PXDNL: variants seen among roughly 807,000 people sequenced by gnomAD.
PXDNL encodes the protein probable oxidoreductase PXDNL.
In PXDNL, 145 loss-of-function variants were observed where a neutral mutation model predicts 150.8. That is an observed-to-expected ratio of 0.96 (90% CI 0.84 to 1.10). The LOEUF (loss-of-function observed/expected upper bound fraction) is 1.10. Ranked by LOEUF, PXDNL falls within the 50% of genes least tolerant of loss-of-function variation. PXDNL has a pLI of 0.00. For missense variants in PXDNL, 2,087 were observed against 1,873.9 expected (o/e 1.11, Z -2.10); for synonymous variants, 757 against 725.7 (o/e 1.04, Z -0.69).
At chr8:51,809,157 T>C (rs770512461) in intron 1 of PXDNL, 24 bp downstream of exon 1, 2 of 1,612,808 alleles carry the variant, frequency 1.2e-6, no homozygotes, top group East Asian at 4.5e-5. Context: ...GAAGAGGGTT[T>C]CTGGGGAATT....
chr8:51,741,316 G>A (rs2036904622), intron 1 of PXDNL, among the ~76,000 whole-genome samples: 1 of 152,116 alleles, frequency 6.6e-6, no homozygotes, highest in Admixed American at 6.5e-5. Context: ...AAGTCTCTTT[G>A]TATGTCTCTA....
intron 2 of PXDNL, among the ~76,000 whole-genome samples, chr8:51,638,480 G>A (rs1814658508): frequency 6.6e-6 from 1 of 152,070 alleles, no homozygotes; most frequent in Non-Finnish European, 1.5e-5. Context: ...GACACACATA[G>A]GCTCAAAATA....
chr8:51,694,333 G>A (rs1355331634), intron 1 of PXDNL, among the ~76,000 whole-genome samples: 7 of 151,652 alleles, frequency 4.6e-5, no homozygotes, highest in East Asian at 1.9e-4. Flanking sequence ...ACTGCCCTCC[G>A]GCCTGAGCAA....
chr8:51,470,478 GT>G (rs1459555794), intron 8 of PXDNL, among the ~76,000 whole-genome samples: 4 of 152,220 alleles, frequency 2.6e-5, no homozygotes, highest in Middle Eastern at 3.4e-3. Flanking sequence ...GTGAAAGTCT[GT>G]GCAAGAATGG....
intron 4 of PXDNL, among the ~76,000 whole-genome samples, chr8:51,510,616 G>T (rs1445949174): frequency 1.3e-5 from 2 of 152,216 alleles, no homozygotes; most frequent in African/African-American, 4.8e-5. Flanking sequence ...TTTTAGATGA[G>T]ATAAAACCGT....
intron 1 of PXDNL, among the ~76,000 whole-genome samples, chr8:51,808,354 T>C (rs1318038240): frequency 6.6e-6 from 1 of 152,226 alleles, no homozygotes; most frequent in Non-Finnish European, 1.5e-5. Context: ...TATTTTTTCT[T>C]AAATTTTTGA....
chr8:51,657,545 AT>A (rs1338061629), intron 1 of PXDNL, among the ~76,000 whole-genome samples: 4 of 152,142 alleles, frequency 2.6e-5, no homozygotes, highest in Non-Finnish European at 5.9e-5. Context: ...TCGTTTCCAA[AT>A]TTTTGCAACA....
intron 1 of PXDNL, among the ~76,000 whole-genome samples, chr8:51,688,394 T>A (rs1815919698): frequency 6.6e-6 from 1 of 152,070 alleles, no homozygotes; most frequent in Non-Finnish European, 1.5e-5. Flanking sequence ...GGCTGAGGAA[T>A]TTACAAGAAC....
chr8:51,491,913 G>T (rs920864053), intron 5 of PXDNL, among the ~76,000 whole-genome samples: 4 of 152,196 alleles, frequency 2.6e-5, no homozygotes, highest in Admixed American at 2.6e-4. Flanking sequence ...CACAGGGCTG[G>T]CTCCCTGCTC....
chr8:51,384,377 C>CA (rs11289787), intron 17 of PXDNL, among the ~76,000 whole-genome samples: 1,558 of 141,204 alleles, frequency 0.011, 23 homozygotes, highest in African/African-American at 0.035. Context: ...AGGTGAATGA[C>CA]AAAAAAAAAA....
chr8:51,393,193 T>A (rs1244424598), intron 17 of PXDNL, among the ~76,000 whole-genome samples: 1 of 152,222 alleles, frequency 6.6e-6, no homozygotes, highest in Non-Finnish European at 1.5e-5. Context: ...GAATTTTAAT[T>A]TCCTAAATTT....
intron 1 of PXDNL, among the ~76,000 whole-genome samples, chr8:51,724,141 C>G (rs368468550): frequency 1.3e-5 from 2 of 151,844 alleles, no homozygotes; most frequent in African/African-American, 4.8e-5. Context: ...GTTGGGAGGA[C>G]GGGTGGAGAC....
chr8:51,589,083 T>A (rs1042627282), intron 3 of PXDNL, among the ~76,000 whole-genome samples: 6 of 151,908 alleles, frequency 3.9e-5, no homozygotes, highest in African/African-American at 1.5e-4. Flanking sequence ...TGGCCCTTTT[T>A]CTCTCTGTCT....
intron 1 of PXDNL, among the ~76,000 whole-genome samples, chr8:51,730,032 A>T (rs373656243): frequency 6.6e-6 from 1 of 152,356 alleles, no homozygotes; most frequent in South Asian, 2.1e-4. Flanking sequence ...ACTATTCTGT[A>T]TGATAGTATA....
intron 3 of PXDNL, among the ~76,000 whole-genome samples, chr8:51,585,825 T>C (rs16916544): frequency 0.051 from 7,756 of 152,168 alleles, 462 homozygotes; most frequent in African/African-American, 0.15. Flanking sequence ...TCTCACAACC[T>C]TCTTGCTCCT....
chr8:51,355,922 T>C (rs1806491678), intron 19 of PXDNL, among the ~76,000 whole-genome samples: 1 of 151,912 alleles, frequency 6.6e-6, no homozygotes, highest in Admixed American at 6.6e-5. Flanking sequence ...TAAAGAAGAG[T>C]TCCTATGTTA....
chr8:51,576,279 T>C (rs905243759), intron 3 of PXDNL, among the ~76,000 whole-genome samples: 1 of 150,090 alleles, frequency 6.7e-6, no homozygotes, highest in African/African-American at 2.4e-5. Flanking sequence ...AGATAGATCA[T>C]GTCCTGAGCT....
chr8:51,608,090 C>G (rs190853313), intron 2 of PXDNL, among the ~76,000 whole-genome samples: 1 of 147,108 alleles, frequency 6.8e-6, no homozygotes, highest in East Asian at 2.0e-4. Context: ...AGCAAGCAAG[C>G]AAGCAAGCAA....
At chr8:51,750,159 T>C (rs1400204297) in intron 1 of PXDNL, among the ~76,000 whole-genome samples, 1 of 152,174 alleles carries the variant, frequency 6.6e-6, no homozygotes, top group Non-Finnish European at 1.5e-5. Flanking sequence ...ACAAAAAAAT[T>C]TTTATATCCT....
Sources: allele counts gnomAD v4.1 joint callset (sites outside exome capture counted in the v4.1 genomes callset), GRCh38; gene constraint gnomAD v4.1.1; transcripts MANE v1.5; gene names NCBI Gene and HGNC (gene_info 2026-07-23, HGNC 2026-07-21).